Variants in TMEM131 observed in about 807,000 individuals in gnomAD.
TMEM131 encodes the protein transmembrane protein 131.
TMEM131 carries 66 observed loss-of-function variants against 211.6 expected under a neutral mutation model. That is an observed-to-expected ratio of 0.31 (90% CI 0.26 to 0.38). TMEM131 has a LOEUF of 0.38. Ranked by LOEUF, TMEM131 falls within the 10% of genes least tolerant of loss-of-function variation. The probability of loss-of-function intolerance (pLI) is 1.00; values close to 1 mark genes in which losing one functional copy is unlikely to be tolerated. For synonymous variants in TMEM131, 844 were observed against 841.3 expected (o/e 1.00, Z -0.06); for missense variants, 2,036 against 2,299.3 (o/e 0.89, Z 2.34).
chr2:97,773,281 C>T (rs1260385925), intron 32 of TMEM131, among the ~76,000 whole-genome samples: 1 of 152,172 alleles, frequency 6.6e-6, no homozygotes, highest in African/African-American at 2.4e-5. Flanking sequence ...CACACATTTA[C>T]GGGTCACCCG....
chr2:97,782,534 TGA>T (rs1206308160), intron 31 of TMEM131, among the ~76,000 whole-genome samples: 1 of 151,296 alleles, frequency 6.6e-6, no homozygotes, highest in Non-Finnish European at 1.5e-5. Flanking sequence ...AACACCAAGA[TGA>T]GAGAGATGTT....
intron 11 of TMEM131, among the ~76,000 whole-genome samples, chr2:97,823,947 C>T (rs1461838226): frequency 6.6e-6 from 1 of 152,090 alleles, no homozygotes; most frequent in Admixed American, 6.5e-5. Context: ...TTAATCCTGG[C>T]AACCTCGGTG....
intron 2 of TMEM131, among the ~76,000 whole-genome samples, chr2:97,923,626 TTTAAAAA>T (rs1187792546): frequency 1.3e-3 from 83 of 61,756 alleles, no homozygotes; most frequent in Non-Finnish European, 2.4e-3. Context: ...TGTCTTTTTT[TTTAAAAA>T]AAAAAAAAAA....
chr2:97,921,551 G>A (rs1277441358), intron 2 of TMEM131, among the ~76,000 whole-genome samples: 1 of 152,136 alleles, frequency 6.6e-6, no homozygotes, highest in Non-Finnish European at 1.5e-5. Flanking sequence ...CATTACATAA[G>A]CCAAAAGGGC....
chr2:97,856,919 A>G (rs1224786969), intron 5 of TMEM131, among the ~76,000 whole-genome samples: 1 of 152,206 alleles, frequency 6.6e-6, no homozygotes, highest in Admixed American at 6.5e-5. Context: ...GTGGATTTTG[A>G]TAGGTGTAAT....
intron 35 of TMEM131, among the ~76,000 whole-genome samples, chr2:97,765,897 T>C (rs1221146426): frequency 6.6e-6 from 1 of 151,994 alleles, no homozygotes; most frequent in African/African-American, 2.4e-5. Flanking sequence ...CTGATGTGAA[T>C]TGTTGAATGA....
intron 1 of TMEM131, among the ~76,000 whole-genome samples, chr2:97,956,549 G>C (rs1283130189): frequency 6.6e-6 from 1 of 151,038 alleles, no homozygotes; most frequent in Non-Finnish European, 1.5e-5. Flanking sequence ...AGTGGTAAAA[G>C]AAAAAAAAGA....
intron 25 of TMEM131, among the ~76,000 whole-genome samples, chr2:97,797,898 T>C (rs1680840417): frequency 6.6e-6 from 1 of 152,218 alleles, no homozygotes; most frequent in African/African-American, 2.4e-5. Context: ...CAAACACTTG[T>C]GGAACCAATG....
intron 35 of TMEM131, chr2:97,764,988 T>TGAAAGTGGCATCTGTTTAATGG (rs1295344093): frequency 7.2e-5 from 11 of 152,256 alleles, no homozygotes; most frequent in Non-Finnish European, 4.4e-5. Context: ...GTTCTGTTGC[T>TGAAAGTGGCATCTGTTTAATGG]GAAAGTGGCA....
intron 2 of TMEM131, among the ~76,000 whole-genome samples, chr2:97,917,387 T>C (rs529104064): frequency 6.6e-6 from 1 of 152,110 alleles, no homozygotes; most frequent in South Asian, 2.1e-4. Context: ...CATAAGAAAA[T>C]CTGTGACCTA....
At chr2:97,805,341 G>C (rs1368068704) in intron 21 of TMEM131, 35 bp downstream of exon 21, 1 of 1,602,842 alleles carries the variant, frequency 6.2e-7, no homozygotes, top group African/African-American at 1.3e-5. Flanking sequence ...TTTGGGGGAA[G>C]TGAAGACATG....
chr2:97,921,277 T>C (rs1676730060), intron 2 of TMEM131, among the ~76,000 whole-genome samples: 4 of 152,010 alleles, frequency 2.6e-5, no homozygotes, highest in South Asian at 2.1e-4. Flanking sequence ...CATTGGGAAA[T>C]AGTCAATAAA....
chr2:97,801,027 A>G (rs532852788), intron 25 of TMEM131, among the ~76,000 whole-genome samples: 10 of 152,362 alleles, frequency 6.6e-5, no homozygotes, highest in South Asian at 4.1e-4. Flanking sequence ...TATAAAAACT[A>G]TTCTAATAAG....
Position 97,759,721 on chromosome 2 carries a change from G to A in TMEM131, c.5137C>T (p.Pro1713Ser). 1 of 1,613,496 alleles carries A rather than the reference G, an allele frequency of 6.2e-7. No individual in the cohort carries two copies. Among genetic ancestry groups the A allele is most frequent in the African/African-American group, 1.3e-5 (1 of 75,038 alleles). ...SSGLWSPVSN[P>S]SSPDFTPLNS... is the part of the protein sequence containing the mutation. ...AGGGGAGTGAAGTCAGGGCTGCTTG[G>A]GTTGCTGACGGGACTCCACAAACCC... Residue 1713 changes from proline (P) to serine (S), a missense_variant, in exon 39 of 41, where the codon CCA (proline) becomes TCA (serine). Physicochemically the swap from Pro to Ser is moderately conservative, Grantham distance 74 (BLOSUM62 -1). Transcript: ENST00000186436.
intron 3 of TMEM131, among the ~76,000 whole-genome samples, chr2:97,893,547 G>GC (rs1405017527): frequency 6.6e-6 from 1 of 152,116 alleles, no homozygotes; most frequent in Admixed American, 6.5e-5. Flanking sequence ...ATCCTCTCCA[G>GC]CATCTGTCAT....
chr2:97,760,315 A>C (rs1678757969), intron 38 of TMEM131: 2 of 476,496 alleles, frequency 4.2e-6, no homozygotes, highest in Non-Finnish European at 7.7e-6. Flanking sequence ...AGACCAGGAG[A>C]TGGAGGAGAG....
At chr2:97,889,356 T>G (rs1675287356) in intron 3 of TMEM131, among the ~76,000 whole-genome samples, 1 of 152,142 alleles carries the variant, frequency 6.6e-6, no homozygotes, top group African/African-American at 2.4e-5. Context: ...AGTGTTGGCA[T>G]CTATTCCTTC....
intron 38 of TMEM131, chr2:97,760,173 A>AT (rs1260416382): frequency 7.5e-6 from 2 of 266,988 alleles, no homozygotes; most frequent in African/African-American, 4.4e-5. Context: ...CCCCTGCATG[A>AT]TAAACAAGCC....
intron 1 of TMEM131, among the ~76,000 whole-genome samples, chr2:97,939,931 A>G (rs1677638756): frequency 6.6e-6 from 1 of 152,354 alleles, no homozygotes; most frequent in East Asian, 1.9e-4. Context: ...CTACATGACT[A>G]TCTCAATAGA....
Sources: allele counts gnomAD v4.1 joint callset (sites outside exome capture counted in the v4.1 genomes callset), GRCh38; gene constraint gnomAD v4.1.1; transcripts MANE v1.5; gene names NCBI Gene and HGNC (gene_info 2026-07-23, HGNC 2026-07-21).